The following LRRN3 variants were observed in gnomAD, a reference collection of about 807,000 sequenced individuals.
The protein encoded by LRRN3 is leucine rich repeat neuronal 3.
Under a neutral mutation model 40.1 loss-of-function variants are expected in LRRN3, and 15 were observed. The observed-to-expected ratio is 0.37, with a 90% confidence interval of 0.25 to 0.58. LRRN3 has a LOEUF of 0.58. Among genes scored for constraint, LRRN3 ranks in the 20% least tolerant of loss-of-function variants. LRRN3 has a pLI of 0.72. For missense variants in LRRN3, 746 were observed against 837.7 expected, an observed-to-expected ratio of 0.89 and a Z score of 1.35; for synonymous variants, 308 against 297.2, an observed-to-expected ratio of 1.04 and a Z score of -0.37.
chr7:111,098,274 A>G (rs2129579353), intron 1 of LRRN3, among the ~76,000 whole-genome samples: 2 of 151,956 alleles, frequency 1.3e-5, no homozygotes, highest in South Asian at 4.1e-4. Flanking sequence ...TTTTTACACA[A>G]ACACCACAGT....
At chr7:111,115,801 G>A (rs1799814216) in intron 2 of LRRN3, among the ~76,000 whole-genome samples, 1 of 151,996 alleles carries the variant, frequency 6.6e-6, no homozygotes. Context: ...CCGAGTAGCT[G>A]GGACTAGAGA....
At chr7:111,107,015 T>G (rs1323770888) in intron 2 of LRRN3, among the ~76,000 whole-genome samples, 2 of 151,922 alleles carry the variant, frequency 1.3e-5, no homozygotes, top group East Asian at 3.9e-4. Context: ...TGGATGTAAA[T>G]CCTAGAAAAC....
chr7:111,106,703 A>T (rs1798588468), intron 2 of LRRN3, among the ~76,000 whole-genome samples: 1 of 147,982 alleles, frequency 6.8e-6, no homozygotes, highest in African/African-American at 2.5e-5. Flanking sequence ...CTGTATATCT[A>T]GGATGCACAT....
intron 2 of LRRN3, among the ~76,000 whole-genome samples, chr7:111,119,192 A>T (rs2129586908): frequency 6.6e-6 from 1 of 152,336 alleles, no homozygotes. Flanking sequence ...TAAGTGATTT[A>T]TGGAAACATA....
intron 2 of LRRN3, among the ~76,000 whole-genome samples, chr7:111,101,409 TGTATGATCTCAGAA>T (rs1797960891): frequency 6.6e-6 from 1 of 151,536 alleles, no homozygotes; most frequent in African/African-American, 2.4e-5. Context: ...GTACTTTTAA[TGTATGATCTCAGAA>T]TCTGTGAGAG....
chr7:111,118,136 A>T (rs2129586462), intron 2 of LRRN3, among the ~76,000 whole-genome samples: 1 of 152,236 alleles, frequency 6.6e-6, no homozygotes, highest in South Asian at 2.1e-4. Context: ...ATTGTAAATC[A>T]AATCTACTGT....
chr7:111,108,763 G>C (rs999806962), intron 2 of LRRN3, among the ~76,000 whole-genome samples: 2 of 152,046 alleles, frequency 1.3e-5, no homozygotes, highest in African/African-American at 4.8e-5. Flanking sequence ...CAAACCACAT[G>C]AGTCAATTCA....
chr7:111,117,935 C>A (rs1021605050), intron 2 of LRRN3, among the ~76,000 whole-genome samples: 1 of 152,092 alleles, frequency 6.6e-6, no homozygotes, highest in African/African-American at 2.4e-5. Flanking sequence ...TGTTCTTAAG[C>A]TTTAGCATTG....
chr7:111,114,720 A>G (rs1304486625), intron 2 of LRRN3, among the ~76,000 whole-genome samples: 1 of 149,478 alleles, frequency 6.7e-6, no homozygotes, highest in Non-Finnish European at 1.5e-5. Context: ...AGCCTGGGCA[A>G]CAGGCGAGAC....
Position 111,122,742 on chromosome 7 carries a change from G to A in LRRN3, c.-31G>A. Reference sequence around the variant, plus strand: ...AGCACTGACTGTGGAATCCTTAAGGGCCCATTACATTTCTGAAGAAGAAAG... The same window carrying A: ...AGCACTGACTGTGGAATCCTTAAGGACCCATTACATTTCTGAAGAAGAAAG... On this transcript the variant is annotated 5_prime_UTR_variant, in exon 3 of 3. Coordinates refer to ENST00000308478, the MANE Select transcript of LRRN3 (RefSeq NM_001099658.2). The A allele has an allele frequency of 6.4e-7, 1 of 1,559,254 alleles. No homozygotes were observed. The highest frequency in any genetic ancestry group is 1.7e-4 in the Middle Eastern group (1 of 5,836).
chr7:111,092,929 A>T (rs2129578121), intron 1 of LRRN3, among the ~76,000 whole-genome samples: 1 of 152,196 alleles, frequency 6.6e-6, no homozygotes, highest in Non-Finnish European at 1.5e-5. Flanking sequence ...ACTGTGGGTT[A>T]TTTTTTTCCA....
chr7:111,103,790 ATTCCT>A (rs1180507586), intron 2 of LRRN3, among the ~76,000 whole-genome samples: 1 of 151,532 alleles, frequency 6.6e-6, no homozygotes, highest in East Asian at 1.9e-4. Context: ...TTTTCACAAC[ATTCCT>A]TTCAAGTAGG....
At chr7:111,092,177 G>A (rs769262877) in intron 1 of LRRN3, among the ~76,000 whole-genome samples, 14 of 152,096 alleles carry the variant, frequency 9.2e-5, no homozygotes, top group South Asian at 2.1e-4. Flanking sequence ...ACATCCCCTC[G>A]CTGGTCTGAA....
intron 1 of LRRN3, among the ~76,000 whole-genome samples, chr7:111,095,059 T>A (rs1797263509): frequency 6.6e-6 from 1 of 152,090 alleles, no homozygotes; most frequent in Non-Finnish European, 1.5e-5. Context: ...GCTATTATGT[T>A]AATTCATCTT....
intron 2 of LRRN3, among the ~76,000 whole-genome samples, chr7:111,108,123 C>T (rs144991476): frequency 6.6e-5 from 10 of 151,942 alleles, no homozygotes; most frequent in Non-Finnish European, 1.0e-4. Context: ...AGATTCTTAA[C>T]CCCAGTCTGG....
chr7:111,124,192 T>C lies in LRRN3; in HGVS notation c.1420T>C (p.Tyr474His), dbSNP rs772409163. ...LLPNTLTDKFYVHSEGTLDIN... is the reference protein window; with the variant it reads ...LLPNTLTDKFHVHSEGTLDIN... ...GCCTAATACCCTGACAGACAAGTTCTATGTCCATTCTGAGGGAACACTAGA... is the reference window on the plus strand; with the variant it reads ...GCCTAATACCCTGACAGACAAGTTCCATGTCCATTCTGAGGGAACACTAGA... The change falls in exon 3 of 3, where the codon TAT becomes CAT. Residue 474 changes from tyrosine (Y) to histidine (H), a missense_variant. Coordinates refer to ENST00000308478, the MANE Select transcript of LRRN3 (RefSeq NM_001099658.2). The C allele has an allele frequency of 6.2e-6, 10 of 1,613,998 alleles. No individual in the cohort carries two copies. Among genetic ancestry groups the C allele is most frequent in the Non-Finnish European group, 8.5e-6 (10 of 1,179,946 alleles).
intron 2 of LRRN3, among the ~76,000 whole-genome samples, chr7:111,107,678 T>G (rs1055970389): frequency 2.6e-5 from 4 of 152,122 alleles, no homozygotes; most frequent in Admixed American, 6.6e-5. Flanking sequence ...AATAGATGCG[T>G]TTCATGCTCT....
At chr7:111,117,522 T>C (rs2129586230) in intron 2 of LRRN3, among the ~76,000 whole-genome samples, 1 of 152,236 alleles carries the variant, frequency 6.6e-6, no homozygotes, top group East Asian at 1.9e-4. Flanking sequence ...ATTACCATTA[T>C]CCATTTCCTG....
rs564828939 is a variant in LRRN3 at position 111,092,082 on chromosome 7, T to C, written c.-441+578T>C. 1.2e-4 allele frequency among the ~76,000 whole-genome samples: 18 copies of C among 152,210 alleles called. No individual in the cohort carries two copies. The East Asian group carries it at 3.5e-3, about 29-fold the overall frequency. ...TTAAGAGCTAAACCACTAAGCAGAG[T>C]AGCAGAATGAGCATATCACAAACAG... On this transcript the variant is annotated intron_variant, in intron 1 of 2. Transcript: ENST00000308478.
Sources: allele counts gnomAD v4.1 joint callset (sites outside exome capture counted in the v4.1 genomes callset), GRCh38; gene constraint gnomAD v4.1.1; transcripts MANE v1.5; gene names NCBI Gene and HGNC (gene_info 2026-07-23, HGNC 2026-07-21).